The following SIM1 variants were observed in gnomAD, a reference collection of about 807,000 sequenced individuals.
SIM1 encodes the protein SIM bHLH transcription factor 1.
SIM1 carries 18 observed loss-of-function variants against 78.2 expected under a neutral mutation model. The observed-to-expected ratio is 0.23, with a 90% confidence interval of 0.16 to 0.34. The LOEUF (loss-of-function observed/expected upper bound fraction) is 0.34, where lower values mean the gene tolerates loss of function less well. SIM1 is among the 10% of genes least tolerant of loss of function. The pLI is 1.00. For synonymous variants in SIM1, 417 were observed against 385.2 expected (o/e 1.08, Z -0.97); for missense variants, 939 against 975.1 (o/e 0.96, Z 0.49).
At chr6:100,459,928 C>A (rs552630307) in intron 2 of SIM1, among the ~76,000 whole-genome samples, 1 of 152,134 alleles carries the variant, frequency 6.6e-6, no homozygotes, top group Non-Finnish European at 1.5e-5. Flanking sequence ...TTAGATCCTG[C>A]CCCTCTGGCT....
rs1562239698 is a variant in SIM1 at position 100,412,618 on chromosome 6, AAGAAGG to A, written c.1167+8166_1167+8171del. Among the ~76,000 whole-genome samples the A allele has an allele frequency of 2.6e-3, 293 of 113,438 alleles. 13 individuals are homozygous for A. Among genetic ancestry groups the A allele is most frequent in the African/African-American group, 9.1e-3 (277 of 30,580 alleles). 74.4% of individuals were successfully genotyped at this position (113,438 alleles called of 152,430 possible). A position where few individuals can be genotyped will look rare whatever the true frequency, so the allele number is the denominator to read the frequency against. On this transcript the variant is annotated intron_variant, in intron 10 of 11. Transcript: ENST00000369208. The stretch of plus-strand genomic sequence containing the variant: ...AAGAAAGAAAGAAAGAAAGGAAAGA[AAGAAGG>A]AAAGAAAGAAAGAAAAGAAAGAAAG...
intron 2 of SIM1, 34 bp downstream of exon 2, chr6:100,463,260 G>C (rs1772901516): frequency 6.4e-7 from 1 of 1,574,704 alleles, no homozygotes; most frequent in Non-Finnish European, 8.7e-7. Context: ...GGCCCCTTCT[G>C]CCTTTGAAAT....
At chr6:100,449,005 A>T (rs1348948868) in intron 6 of SIM1, among the ~76,000 whole-genome samples, 1 of 152,182 alleles carries the variant, frequency 6.6e-6, no homozygotes, top group African/African-American at 2.4e-5. Context: ...TTCGAATTAA[A>T]GCTCTGGTTT....
In SIM1 at chr6:100,385,546, C is replaced by T. The variant is rs533281867; in HGVS notation, c.*4815G>A. On this transcript the variant is annotated 3_prime_UTR_variant, in exon 12 of 12. Coordinates refer to ENST00000369208, the MANE Select transcript of SIM1 (RefSeq NM_005068.3). ...TCAGCAAATTAGGGCAAATTAACCCCAACCCCATATAGATTTATGAAAGCA... is the reference window on the plus strand; with the variant it reads ...TCAGCAAATTAGGGCAAATTAACCCTAACCCCATATAGATTTATGAAAGCA... The T allele has an allele frequency of 3.3e-5, 5 of 151,866 alleles. No individual in the cohort carries two copies. Among genetic ancestry groups the T allele is most frequent in the Non-Finnish European group, 7.4e-5 (5 of 67,916 alleles). The allele number at this position is 151,866 out of a possible 1,614,324, so 9.4% of individuals were successfully genotyped here.
At chr6:100,418,388 A>AAATT (rs1337041597) in intron 10 of SIM1, among the ~76,000 whole-genome samples, 1 of 148,214 alleles carries the variant, frequency 6.7e-6, no homozygotes, top group Non-Finnish European at 1.5e-5. Context: ...ATAAATAAAT[A>AAATT]AAATAAAAAA....
intron 9 of SIM1, among the ~76,000 whole-genome samples, chr6:100,436,041 A>G (rs888912075): frequency 1.3e-5 from 2 of 151,586 alleles, no homozygotes; most frequent in Non-Finnish European, 2.9e-5. Context: ...AAGGTGCCCA[A>G]CTCCTCCCAC....
rs1770705663 is a variant in SIM1, at chr6:100,393,816, G to A, written c.1241C>T (p.Thr414Met). ...GGGGTCCAGAAGCTGCGGAGAGGCC[G>A]TGTCGGTCAAGGGACTTCCGCCCCA... ...SQWGGSPLTD[T>M]ASPQLLDPAD... The change falls in exon 11 of 12, where the codon ACG becomes ATG. Residue 414 changes from threonine to methionine, a missense_variant. Coordinates refer to ENST00000369208, the MANE Select transcript of SIM1 (RefSeq NM_005068.3). The A allele has an allele frequency of 1.2e-6, 2 of 1,612,446 alleles. No homozygotes were observed. The highest frequency in any genetic ancestry group is 1.3e-5 in the African/African-American group (1 of 74,900).
Position 100,389,292 on chromosome 6 carries a change from T to C in SIM1, c.*1069A>G. 1 of 266,516 alleles carries C rather than the reference T, an allele frequency of 3.8e-6. No homozygotes were observed. Among genetic ancestry groups the C allele is most frequent in the East Asian group, 6.7e-5 (1 of 15,002 alleles). 16.5% of individuals were successfully genotyped at this position (266,516 alleles called of 1,614,324 possible). A position where few individuals can be genotyped will look rare whatever the true frequency, so the allele number is the denominator to read the frequency against. On this transcript the variant is annotated 3_prime_UTR_variant, in exon 12 of 12. Coordinates refer to ENST00000369208, the MANE Select transcript of SIM1 (RefSeq NM_005068.3). The stretch of plus-strand genomic sequence containing the variant: ...CTACTTGTCTATCAGCCTAAGCTTT[T>C]ATCTTAGACTCTCTCCTGAGGCTTT...
chr6:100,453,634 CCT>C (rs1301422636), intron 3 of SIM1, 126 bp downstream of exon 3: 2 of 721,528 alleles, frequency 2.8e-6, no homozygotes, highest in East Asian at 5.7e-5. Context: ...AGTCCGGATC[CCT>C]GTTTTTGTGG....
intron 9 of SIM1, among the ~76,000 whole-genome samples, chr6:100,443,437 T>A (rs1772265599): frequency 6.6e-6 from 1 of 152,158 alleles, no homozygotes; most frequent in African/African-American, 2.4e-5. Flanking sequence ...CTCTCTCTTT[T>A]ACTTTCCAGA....
intron 10 of SIM1, among the ~76,000 whole-genome samples, chr6:100,400,569 G>A (rs1292978698): frequency 6.6e-6 from 1 of 152,082 alleles, no homozygotes; most frequent in African/African-American, 2.4e-5. Flanking sequence ...CCAGACCTAT[G>A]AGATACACAG....
intron 9 of SIM1, among the ~76,000 whole-genome samples, chr6:100,440,341 G>A (rs1772175900): frequency 1.3e-5 from 2 of 152,296 alleles, no homozygotes; most frequent in Admixed American, 6.5e-5. Flanking sequence ...TGGCACTAAA[G>A]CCCATGCCTT....
chr6:100,427,288 G>A (rs1476121505), intron 9 of SIM1: 1 of 152,218 alleles, frequency 6.6e-6, no homozygotes, highest in East Asian at 1.9e-4. Flanking sequence ...CCTTGGAAAT[G>A]TAATAGTCTC....
chr6:100,453,408 G>A (rs1370257606), intron 3 of SIM1, among the ~76,000 whole-genome samples: 2 of 152,068 alleles, frequency 1.3e-5, no homozygotes, highest in Non-Finnish European at 2.9e-5. Context: ...TGGTTCTGTG[G>A]CCTTGCCTCT....
intron 9 of SIM1, among the ~76,000 whole-genome samples, chr6:100,428,116 T>G (rs970223421): frequency 1.3e-5 from 2 of 152,228 alleles, no homozygotes; most frequent in African/African-American, 4.8e-5. Context: ...ATGATCATTC[T>G]GAAGTTCTGT....
chr6:100,408,579 T>C (rs1771110412), intron 10 of SIM1, among the ~76,000 whole-genome samples: 1 of 152,100 alleles, frequency 6.6e-6, no homozygotes, highest in South Asian at 2.1e-4. Flanking sequence ...TATGTTGTGT[T>C]ACATTTATTC....
At position 100,450,410 on chromosome 6, in the gene SIM1, T is replaced by C. The variant is rs1451993116; in HGVS notation, c.259-54A>G. The C allele has an allele frequency of 8.0e-6, 12 of 1,507,036 alleles. No individual in the cohort carries two copies. In the East Asian group the frequency reaches 2.3e-4, roughly 28 times the overall value. 93.4% of individuals were successfully genotyped at this position (1,507,036 alleles called of 1,614,324 possible). On this transcript the variant is annotated intron_variant, in intron 3 of 11. Transcript: ENST00000369208. Reference sequence around the variant, plus strand: ...GAGCCCTCTGGGCCATCTGGAGAAATGGGAGCAGGAGGACAGAAGTTAGTG... The same window carrying C: ...GAGCCCTCTGGGCCATCTGGAGAAACGGGAGCAGGAGGACAGAAGTTAGTG...
At chr6:100,402,994 T>A (rs985470607) in intron 10 of SIM1, among the ~76,000 whole-genome samples, 9 of 152,218 alleles carry the variant, frequency 5.9e-5, no homozygotes, top group Non-Finnish European at 7.4e-5. Flanking sequence ...AACTGAGTTA[T>A]TCCTTTATTT....
chr6:100,459,543 C>G (rs940995897), intron 2 of SIM1, among the ~76,000 whole-genome samples: 1 of 152,144 alleles, frequency 6.6e-6, no homozygotes, highest in Non-Finnish European at 1.5e-5. Context: ...CATGGGGCCT[C>G]TTTTTCTTTT....
Sources: allele counts gnomAD v4.1 joint callset (sites outside exome capture counted in the v4.1 genomes callset), GRCh38; gene constraint gnomAD v4.1.1; transcripts MANE v1.5; gene names NCBI Gene and HGNC (gene_info 2026-07-23, HGNC 2026-07-21).